GRID2: variants seen among roughly 807,000 people sequenced by gnomAD.
GRID2 encodes the protein glutamate receptor ionotropic, delta-2.
GRID2 carries 33 observed loss-of-function variants against 114.8 expected under a neutral mutation model. That is an observed-to-expected ratio of 0.29 (90% CI 0.22 to 0.38). The LOEUF is 0.38. GRID2 is among the 10% of genes least tolerant of loss of function. The probability of loss-of-function intolerance (pLI) is 1.00; values close to 1 mark genes in which losing one functional copy is unlikely to be tolerated. For missense variants in GRID2, 1,184 were observed against 1,257.7 expected, an observed-to-expected ratio of 0.94 and a Z score of 0.89; for synonymous variants, 505 against 449.9, an observed-to-expected ratio of 1.12 and a Z score of -1.55.
chr4:93,224,044 T>G (rs1197486203), intron 6 of GRID2, among the ~76,000 whole-genome samples: 1 of 152,150 alleles, frequency 6.6e-6, no homozygotes, highest in East Asian at 1.9e-4. Flanking sequence ...CTGTATAATT[T>G]TGTATAGATC....
At chr4:92,411,025 G>A (rs920519653) in intron 1 of GRID2, among the ~76,000 whole-genome samples, 1 of 152,002 alleles carries the variant, frequency 6.6e-6, no homozygotes, top group South Asian at 2.1e-4. Context: ...CATGTTTTTG[G>A]ATTTCAGGAT....
At chr4:92,464,802 T>C (rs1415244151) in intron 1 of GRID2, among the ~76,000 whole-genome samples, 1 of 152,130 alleles carries the variant, frequency 6.6e-6, no homozygotes, top group East Asian at 1.9e-4. Flanking sequence ...CATAAGATAG[T>C]ATGAGAGGTT....
intron 2 of GRID2, among the ~76,000 whole-genome samples, chr4:92,832,579 A>C (rs1447157764): frequency 6.6e-6 from 1 of 152,060 alleles, no homozygotes; most frequent in East Asian, 1.9e-4. Context: ...ATTTTAGTAG[A>C]GACGGGGTTT....
intron 2 of GRID2, among the ~76,000 whole-genome samples, chr4:92,669,230 C>A (rs542173824): frequency 2.8e-4 from 42 of 151,922 alleles, no homozygotes; most frequent in Non-Finnish European, 5.2e-4. Context: ...TTTAATTAAA[C>A]ATAGAAACTT....
chr4:93,214,196 A>G (rs1312296603), intron 5 of GRID2, among the ~76,000 whole-genome samples: 1 of 151,966 alleles, frequency 6.6e-6, no homozygotes, highest in Non-Finnish European at 1.5e-5. Flanking sequence ...TTATTGGTAA[A>G]CTAGTTCTTC....
intron 14 of GRID2, among the ~76,000 whole-genome samples, chr4:93,743,777 A>C (rs559261164): frequency 2.0e-4 from 30 of 152,360 alleles, no homozygotes; most frequent in Admixed American, 7.8e-4. Context: ...CCTAATGGGA[A>C]TCAAGTTTCA....
chr4:92,606,718 T>G (rs1013298315), intron 2 of GRID2, among the ~76,000 whole-genome samples: 6 of 151,970 alleles, frequency 3.9e-5, no homozygotes, highest in African/African-American at 1.4e-4. Context: ...TTTAACCCAT[T>G]GAAAAAGAAG....
At chr4:92,954,522 G>A (rs1483745105) in intron 2 of GRID2, among the ~76,000 whole-genome samples, 1 of 151,838 alleles carries the variant, frequency 6.6e-6, no homozygotes, top group African/African-American at 2.4e-5. Flanking sequence ...CACCTCCCAG[G>A]TTCGCGCCAT....
intron 1 of GRID2, among the ~76,000 whole-genome samples, chr4:92,432,707 A>G (rs1189622530): frequency 2.6e-5 from 4 of 152,124 alleles, no homozygotes; most frequent in Non-Finnish European, 5.9e-5. Flanking sequence ...TGGAATCAGG[A>G]ACCCCATGAG....
chr4:93,585,154 C>T (rs1409842743), intron 13 of GRID2, among the ~76,000 whole-genome samples: 1 of 152,102 alleles, frequency 6.6e-6, no homozygotes, highest in Non-Finnish European at 1.5e-5. Flanking sequence ...AAGTTCACCT[C>T]TTAGTAGCAA....
At chr4:92,817,368 C>T (rs1242118198) in intron 2 of GRID2, among the ~76,000 whole-genome samples, 1 of 152,076 alleles carries the variant, frequency 6.6e-6, no homozygotes, top group African/African-American at 2.4e-5. Flanking sequence ...ACCATTCTCT[C>T]CATACACCTT....
intron 2 of GRID2, among the ~76,000 whole-genome samples, chr4:93,011,862 G>A (rs1271223775): frequency 1.3e-5 from 2 of 151,974 alleles, no homozygotes; most frequent in African/African-American, 2.4e-5. Context: ...TCACTAGCTT[G>A]TTTTGTCATT....
chr4:92,929,862 A>T (rs1750092172), intron 2 of GRID2, among the ~76,000 whole-genome samples: 1 of 151,356 alleles, frequency 6.6e-6, no homozygotes, highest in East Asian at 1.9e-4. Flanking sequence ...AATATGTAAA[A>T]GTGCTTGATA....
At chr4:93,119,444 A>T (rs182657534) in intron 4 of GRID2, among the ~76,000 whole-genome samples, 166 of 152,274 alleles carry the variant, frequency 1.1e-3, no homozygotes, top group Non-Finnish European at 1.8e-3. Flanking sequence ...CATTTTGGCC[A>T]TGGTCTTTAG....
At chr4:92,916,329 G>T (rs1278018285) in intron 2 of GRID2, among the ~76,000 whole-genome samples, 2 of 151,916 alleles carry the variant, frequency 1.3e-5, no homozygotes, top group East Asian at 1.9e-4. Flanking sequence ...GCTAGAAAAC[G>T]ATCATTGTCT....
intron 14 of GRID2, among the ~76,000 whole-genome samples, chr4:93,726,477 T>G (rs1400015905): frequency 1.3e-5 from 2 of 152,374 alleles, no homozygotes; most frequent in South Asian, 4.1e-4. Flanking sequence ...GGCTCTTTTT[T>G]GGTTCCATGT....
At chr4:93,765,720 A>C (rs1021716068) in intron 14 of GRID2, among the ~76,000 whole-genome samples, 1 of 151,702 alleles carries the variant, frequency 6.6e-6, no homozygotes, top group Non-Finnish European at 1.5e-5. Flanking sequence ...AATTAAATAA[A>C]ATGAAATGCA....
intron 1 of GRID2, among the ~76,000 whole-genome samples, chr4:92,545,547 T>C (rs1726204082): frequency 6.6e-6 from 1 of 152,212 alleles, no homozygotes; most frequent in Non-Finnish European, 1.5e-5. Flanking sequence ...GTTGCCTGAA[T>C]ATTTTTCTGT....
At chr4:93,274,532 T>C (rs1751839977) in intron 8 of GRID2, among the ~76,000 whole-genome samples, 1 of 152,140 alleles carries the variant, frequency 6.6e-6, no homozygotes, top group South Asian at 2.1e-4. Flanking sequence ...GGGTAATTCA[T>C]GAATTTCATT....
Sources: gnomAD v4.1 joint callset for allele counts (sites outside exome capture counted in the v4.1 genomes callset) on GRCh38, gnomAD v4.1.1 for gene constraint, MANE v1.5 for transcripts, NCBI Gene and HGNC (gene_info 2026-07-23, HGNC 2026-07-21) for gene names.